MPDZ: variants seen among roughly 807,000 people sequenced by gnomAD.
The protein encoded by MPDZ is multiple PDZ domain crumbs cell polarity complex component, also known as multiple PDZ domain protein.
MPDZ carries 234 observed loss-of-function variants against 239.1 expected under a neutral mutation model. That is an observed-to-expected ratio of 0.98 (90% CI 0.88 to 1.09). The LOEUF (loss-of-function observed/expected upper bound fraction) is 1.09, where lower values mean the gene tolerates loss of function less well. Among genes scored for constraint, MPDZ ranks in the 50% least tolerant of loss-of-function variants. The pLI is 0.00. For missense variants in MPDZ, 3,175 were observed against 2,510.0 expected (o/e 1.26, Z -5.66); for synonymous variants, 1,048 against 881.3 (o/e 1.19, Z -3.35).
At chr9:13,107,144 CA>C in intron 46 of MPDZ, 33 bp from the exon 47 acceptor site, 1 of 1,526,104 alleles carries the variant, frequency 6.6e-7, no homozygotes, top group Non-Finnish European at 8.9e-7. Context: ...GTTTATTTCT[CA>C]AAAAATGCTG....
chr9:13,117,318 T>G (rs537664397), intron 39 of MPDZ, among the ~76,000 whole-genome samples: 2 of 152,182 alleles, frequency 1.3e-5, no homozygotes, highest in South Asian at 4.1e-4. Context: ...GATCACGAAG[T>G]CAGGAGATTG....
chr9:13,147,646 C>T lies in MPDZ; in HGVS notation c.3643G>A (p.Asp1215Asn). Reference sequence around the variant, plus strand: ...TGTTCATGGCTTGCATCTCTGAGGTCCATTCCATCCACCTGCAATGGAAGG... The same window carrying T: ...TGTTCATGGCTTGCATCTCTGAGGTTCATTCCATCCACCTGCAATGGAAGG... ...GDRIVEVDGM[D>N]LRDASHEQAV... The change falls in exon 26 of 47, where the codon GAC becomes AAC. Residue 1215 changes from aspartate to asparagine, a missense_variant. Asp to Asn is a conservative substitution (Grantham distance 23). Transcript: ENST00000319217. 6.2e-7 allele frequency: 1 copy of T among 1,611,632 alleles called. No individual in the cohort carries two copies. The highest frequency in any genetic ancestry group is 8.5e-7 in the Non-Finnish European group (1 of 1,178,446).
rs1370837530 is a variant in MPDZ, at chr9:13,122,079, T to C, written c.5037+8A>G. Reference sequence around the variant, plus strand: ...TAATTTTGAAGGTCAAAAACAGGCATTCTATACCTCTAAGATCTGATCTCC... The same window carrying C: ...TAATTTTGAAGGTCAAAAACAGGCACTCTATACCTCTAAGATCTGATCTCC... On this transcript the variant is annotated splice_region_variant and intron_variant, in intron 37 of 46. Transcript: ENST00000319217. 1.2e-5 allele frequency: 20 copies of C among 1,613,732 alleles called. No homozygotes were observed. The highest frequency in any genetic ancestry group is 1.6e-5 in the Non-Finnish European group (19 of 1,179,734).
rs2131089044 is a variant in MPDZ at position 13,110,720 on chromosome 9, G to A, written c.5745C>T (p.Thr1915=). Residue 1915 remains threonine, a synonymous_variant, in exon 44 of 47, where the codon ACC becomes ACT. Coordinates refer to ENST00000319217, the MANE Select transcript of MPDZ (RefSeq NM_001378778.1). ...QKLRVGDRIV[T]ICGTSTEGMT... ...TGCCCTCAGTGGATGTGCCACAGAT[G>A]GTGACAATCCTATCCCCAACCTGCA... 1.9e-6 allele frequency: 3 copies of A among 1,613,222 alleles called. No homozygotes were observed. Among genetic ancestry groups the A allele is most frequent in the Non-Finnish European group, 2.5e-6 (3 of 1,179,540 alleles).
rs527702455 is a variant in MPDZ, at chr9:13,119,857, G to T, written c.5232-208C>A. The stretch of plus-strand genomic sequence containing the variant: ...CTTACAGTGCTTCATAGATTAAAAT[G>T]ATCTCCAATAAGCATATTTATTCTT... On this transcript the variant is annotated intron_variant, in intron 38 of 46. Transcript: ENST00000319217. The T allele has an allele frequency of 8.6e-6, 5 of 580,786 alleles. No homozygotes were observed. The African/African-American group carries it at 9.4e-5, about 11-fold the overall frequency. The allele number at this position is 580,786 out of a possible 1,614,324, so 36.0% of individuals were successfully genotyped here.
chr9:13,188,189 T>A (rs1419357951), intron 17 of MPDZ, among the ~76,000 whole-genome samples: 1 of 152,156 alleles, frequency 6.6e-6, no homozygotes, highest in East Asian at 1.9e-4. Context: ...TTGAAAATAT[T>A]TGATTTTGCA....
At chr9:13,235,456 C>T (rs1000975894) in intron 3 of MPDZ, among the ~76,000 whole-genome samples, 3 of 152,096 alleles carry the variant, frequency 2.0e-5, no homozygotes, top group Non-Finnish European at 4.4e-5. Context: ...TGACAAAATG[C>T]TTTCCATAAT....
At chr9:13,248,011 G>T (rs1051372891) in intron 2 of MPDZ, among the ~76,000 whole-genome samples, 4 of 152,106 alleles carry the variant, frequency 2.6e-5, no homozygotes, top group African/African-American at 4.8e-5. Flanking sequence ...CTGATCACTT[G>T]AGCTCAGGAG....
At chr9:13,212,822 G>T (rs1038237381) in intron 10 of MPDZ, among the ~76,000 whole-genome samples, 1 of 146,762 alleles carries the variant, frequency 6.8e-6, no homozygotes, top group South Asian at 2.2e-4. Flanking sequence ...AAAGAAGAGA[G>T]CCAACATCCT....
intron 19 of MPDZ, among the ~76,000 whole-genome samples, chr9:13,180,060 G>C (rs968835510): frequency 6.6e-6 from 1 of 151,970 alleles, no homozygotes; most frequent in African/African-American, 2.4e-5. Flanking sequence ...TTTATACCTT[G>C]GAGAGCCTGC....
chr9:13,114,347 A>G (rs1392154990), intron 40 of MPDZ, among the ~76,000 whole-genome samples: 1 of 152,188 alleles, frequency 6.6e-6, no homozygotes, highest in African/African-American at 2.4e-5. Flanking sequence ...ACTTAAACAA[A>G]AACTGTAGAA....
Position 13,106,023 on chromosome 9 carries a change from C to T in MPDZ, c.*942G>A, listed in dbSNP as rs1351768786. 1 of 152,016 alleles carries T rather than the reference C, an allele frequency of 6.6e-6. No individual in the cohort carries two copies. The highest frequency in any genetic ancestry group is 1.9e-4 in the East Asian group (1 of 5,192). 9.4% of individuals were successfully genotyped at this position (152,016 alleles called of 1,614,324 possible). On this transcript the variant is annotated 3_prime_UTR_variant, in exon 47 of 47. Transcript: ENST00000319217. ...TATCAATTTACTAATGGCATACAAC[C>T]AAAATAATTAGTAACACATTGTTCT... is the stretch of plus-strand genomic sequence containing the variant.
intron 3 of MPDZ, among the ~76,000 whole-genome samples, chr9:13,233,657 G>T (rs1419608324): frequency 6.6e-6 from 1 of 152,040 alleles, no homozygotes; most frequent in Non-Finnish European, 1.5e-5. Context: ...AGTTTTCAAA[G>T]TTTGCAAAAT....
In MPDZ at chr9:13,250,354, C is replaced by T. The variant is rs1273431470; in HGVS notation, c.-39G>A. 6 of 1,560,500 alleles carry T rather than the reference C, an allele frequency of 3.8e-6. No individual in the cohort carries two copies. Among genetic ancestry groups the T allele is most frequent in the Non-Finnish European group, 8.7e-7 (1 of 1,148,166 alleles). Reference sequence around the variant, plus strand: ...CAGTGTTCTTCTCTGAAATGATTAACAGCAATTAAAATGGAACTCTGTGCA... The same window carrying T: ...CAGTGTTCTTCTCTGAAATGATTAATAGCAATTAAAATGGAACTCTGTGCA... On this transcript the variant is annotated 5_prime_UTR_variant, in exon 2 of 47. Transcript: ENST00000319217.
intron 17 of MPDZ, among the ~76,000 whole-genome samples, chr9:13,186,663 T>A (rs956294211): frequency 6.6e-6 from 1 of 152,002 alleles, no homozygotes; most frequent in African/African-American, 2.4e-5. Context: ...ATTCTTCTTA[T>A]AAGAATTTTT....
chr9:13,212,970 T>C (rs967186129), intron 10 of MPDZ, among the ~76,000 whole-genome samples: 2 of 151,918 alleles, frequency 1.3e-5, no homozygotes, highest in African/African-American at 2.4e-5. Context: ...ATCCTATACG[T>C]ATAAAGAGAG....
chr9:13,254,799 C>T (rs1230985544), intron 1 of MPDZ, among the ~76,000 whole-genome samples: 3 of 152,164 alleles, frequency 2.0e-5, no homozygotes, highest in Non-Finnish European at 4.4e-5. Flanking sequence ...TCAAAAAATG[C>T]TAGTGATCAT....
chr9:13,206,220 C>CA, intron 10 of MPDZ, 121 bp from the exon 11 acceptor site: 4 of 919,850 alleles, frequency 4.3e-6, no homozygotes, highest in South Asian at 2.0e-5. Context: ...AAGTATTCAC[C>CA]TTATCAGGGA....
At chr9:13,174,292 C>T (rs1952172203) in intron 21 of MPDZ, among the ~76,000 whole-genome samples, 2 of 152,254 alleles carry the variant, frequency 1.3e-5, no homozygotes, top group South Asian at 4.1e-4. Context: ...TTAGCTTACT[C>T]TCTTAAACTT....
Sources: allele counts gnomAD v4.1 joint callset (sites outside exome capture counted in the v4.1 genomes callset), GRCh38; gene constraint gnomAD v4.1.1; transcripts MANE v1.5; gene names NCBI Gene and HGNC (gene_info 2026-07-23, HGNC 2026-07-21).